Variants in ITSN1 observed in about 807,000 individuals in gnomAD.
ITSN1 encodes intersectin-1.
Under a neutral mutation model 239.8 loss-of-function variants are expected in ITSN1, and 58 were observed. That is an observed-to-expected ratio of 0.24 (90% CI 0.20 to 0.30). The LOEUF (loss-of-function observed/expected upper bound fraction) is 0.30, where lower values mean the gene tolerates loss of function less well. Among genes scored for constraint, ITSN1 ranks in the 10% least tolerant of loss-of-function variants. The probability of loss-of-function intolerance (pLI) is 1.00; values close to 1 mark genes in which losing one functional copy is unlikely to be tolerated. For synonymous variants in ITSN1, 780 were observed against 770.8 expected, an observed-to-expected ratio of 1.01 and a Z score of -0.20; for missense variants, 1,558 against 2,103.3, an observed-to-expected ratio of 0.74 and a Z score of 5.07.
chr21:33,718,783 AT>A lies in ITSN1; in HGVS notation c.-32-10del. The A allele has an allele frequency of 6.3e-7, 1 of 1,575,276 alleles. No individual in the cohort carries two copies. Among genetic ancestry groups the A allele is most frequent in the Non-Finnish European group, 8.7e-7 (1 of 1,146,314 alleles). ...AAGTTTTCATAAACTTAAATGTTGC[AT>A]TTTCACTTACAGGCGTCGATTAGCA... On this transcript the variant is annotated splice_polypyrimidine_tract_variant and intron_variant, in intron 1 of 39. Coordinates refer to ENST00000381318, the MANE Select transcript of ITSN1 (RefSeq NM_003024.3).
chr21:33,718,954 A>C, intron 2 of ITSN1, 98 bp downstream of exon 2: 1 of 935,718 alleles, frequency 1.1e-6, no homozygotes, highest in Non-Finnish European at 1.7e-6. Context: ...AGAGAAAATA[A>C]TATAATCAGC....
At position 33,888,555 on chromosome 21, in the gene ITSN1, C is replaced by A; in HGVS notation, c.*255C>A. On this transcript the variant is annotated 3_prime_UTR_variant, in exon 40 of 40. Coordinates refer to ENST00000381318, the MANE Select transcript of ITSN1 (RefSeq NM_003024.3). ...CAGGTCTCATTATGGCTTCTAGGGT[C>A]GCTGAAATCCCATAGCCCTCAACAG... 1 of 369,154 alleles carries A rather than the reference C, an allele frequency of 2.7e-6. No individual in the cohort carries two copies. The allele number at this position is 369,154 out of a possible 1,614,324, so 22.9% of individuals were successfully genotyped here. A position where few individuals can be genotyped will look rare whatever the true frequency, so the allele number is the denominator to read the frequency against.
At chr21:33,875,126 T>C (rs1442084908) in intron 33 of ITSN1, among the ~76,000 whole-genome samples, 2 of 152,162 alleles carry the variant, frequency 1.3e-5, no homozygotes, top group Non-Finnish European at 2.9e-5. Context: ...ACCTCAAGGA[T>C]GGGACCATTC....
At chr21:33,885,587 C>A in intron 38 of ITSN1, 65 bp downstream of exon 38, 1 of 1,198,270 alleles carries the variant, frequency 8.3e-7, no homozygotes, top group Non-Finnish European at 1.2e-6. Context: ...GTTCCCCACA[C>A]CCCCACCTGG....
chr21:33,742,628 A>G (rs982990863), intron 5 of ITSN1, among the ~76,000 whole-genome samples: 6 of 152,180 alleles, frequency 3.9e-5, no homozygotes, highest in African/African-American at 1.2e-4. Context: ...TCCAGCCCCT[A>G]TGAACTCAAA....
rs1290310390 is a variant in ITSN1, at chr21:33,890,798, T to C, written c.*2498T>C. 6.6e-6 allele frequency: 1 copy of C among 152,228 alleles called. No individual in the cohort carries two copies. Among genetic ancestry groups the C allele is most frequent in the Non-Finnish European group, 1.5e-5 (1 of 68,050 alleles). The allele number at this position is 152,228 out of a possible 1,614,324, so 9.4% of individuals were successfully genotyped here. On this transcript the variant is annotated 3_prime_UTR_variant, in exon 40 of 40. Transcript: ENST00000381318. ...AACAAGGAGTCTGTCTCCTAGCTCT[T>C]TGTTTTCTAAATATAGGAGTTCTCT...
At chr21:33,814,567 ATTCTGAATAGTTCTCTTTTGCTT>A in intron 22 of ITSN1, 1 of 154,132 alleles carries the variant, frequency 6.5e-6, no homozygotes, top group Non-Finnish European at 1.4e-5. Context: ...AAAGGTGGTT[ATTCTGAATAGTTCTCTTTTGCTT>A]AATACAATAA....
intron 8 of ITSN1, among the ~76,000 whole-genome samples, chr21:33,759,548 G>C (rs2068147929): frequency 6.6e-6 from 1 of 152,020 alleles, no homozygotes; most frequent in African/African-American, 2.4e-5. Context: ...ATTCTACTTT[G>C]TTACCAACAT....
At chr21:33,853,699 C>T (rs1161138525) in intron 29 of ITSN1, among the ~76,000 whole-genome samples, 4 of 152,212 alleles carry the variant, frequency 2.6e-5, no homozygotes, top group Non-Finnish European at 5.9e-5. Context: ...GGGTGCTCGT[C>T]TATTGGCATT....
chr21:33,805,156 TCTAAC>T (rs1335747701), intron 20 of ITSN1, among the ~76,000 whole-genome samples: 3 of 152,246 alleles, frequency 2.0e-5, no homozygotes, highest in Non-Finnish European at 4.4e-5. Flanking sequence ...GAACCGCTGA[TCTAAC>T]CTAATCTCTT....
At chr21:33,689,176 C>T (rs1383258623) in intron 1 of ITSN1, 1 of 152,102 alleles carries the variant, frequency 6.6e-6, no homozygotes, top group African/African-American at 2.4e-5. Flanking sequence ...TTCAGGATTG[C>T]CTAATGTTGA....
chr21:33,809,651 C>A (rs145077818), intron 20 of ITSN1, among the ~76,000 whole-genome samples: 2 of 152,056 alleles, frequency 1.3e-5, no homozygotes, highest in Admixed American at 1.3e-4. Flanking sequence ...TAAGACCCTG[C>A]CTACTCATGT....
At position 33,702,950 on chromosome 21, in the gene ITSN1, G is replaced by A. The variant is rs942692472; in HGVS notation, c.-32-15847G>A. Among the ~76,000 whole-genome samples, 5 of 152,104 alleles carry A rather than the reference G, an allele frequency of 3.3e-5. No homozygotes were observed. In the South Asian group the frequency reaches 1.0e-3, roughly 32 times the overall value. On this transcript the variant is annotated intron_variant, in intron 1 of 39. Transcript: ENST00000381318. ...AAATTAGCCGGGCATGATGGCCGGT[G>A]CCTGTAATTCCAGCTACTCGGGAGG...
chr21:33,843,265 A>T lies in ITSN1; in HGVS notation c.3661+6633A>T, dbSNP rs2074885242. On this transcript the variant is annotated intron_variant, in intron 29 of 39. Coordinates refer to ENST00000381318, the MANE Select transcript of ITSN1 (RefSeq NM_003024.3). ...AGCCCCAGAGCTCCTGCCTCCACAG[A>T]ACTGGTGGCTGCATCTTTGGAAAGA... Among the ~76,000 whole-genome samples, 3 of 152,292 alleles carry T rather than the reference A, an allele frequency of 2.0e-5. No individual in the cohort carries two copies. The South Asian group carries it at 6.2e-4, about 32-fold the overall frequency.
At chr21:33,751,296 T>G (rs1485222641) in intron 6 of ITSN1, among the ~76,000 whole-genome samples, 1 of 152,080 alleles carries the variant, frequency 6.6e-6, no homozygotes, top group East Asian at 1.9e-4. Context: ...CAGGCAAGAG[T>G]GAGGGAATGT....
chr21:33,666,604 G>A (rs909321851), intron 1 of ITSN1, among the ~76,000 whole-genome samples: 28 of 152,194 alleles, frequency 1.8e-4, no homozygotes, highest in Non-Finnish European at 2.4e-4. Context: ...GAAATATATC[G>A]TAGTTGTTTT....
chr21:33,751,806 A>G lies in ITSN1; in HGVS notation c.527-4A>G. The G allele has an allele frequency of 6.3e-7, 1 of 1,593,110 alleles. No homozygotes were observed. Among genetic ancestry groups the G allele is most frequent in the Non-Finnish European group, 8.6e-7 (1 of 1,163,162 alleles). On this transcript the variant is annotated splice_polypyrimidine_tract_variant and splice_region_variant and intron_variant, in intron 6 of 39. Coordinates refer to ENST00000381318, the MANE Select transcript of ITSN1 (RefSeq NM_003024.3). ...TTAAAATTATTCAACATTTATTTTTACAGCAGCCACATTGCCAAAGAGTTC... is the reference window on the plus strand; with the variant it reads ...TTAAAATTATTCAACATTTATTTTTGCAGCAGCCACATTGCCAAAGAGTTC...
intron 30 of ITSN1, among the ~76,000 whole-genome samples, chr21:33,857,764 G>C (rs965583942): frequency 6.6e-6 from 1 of 152,146 alleles, no homozygotes; most frequent in South Asian, 2.1e-4. Context: ...TGCAGTTCAG[G>C]ATGTCCAGGG....
intron 29 of ITSN1, among the ~76,000 whole-genome samples, chr21:33,854,974 T>C (rs955934719): frequency 3.3e-5 from 5 of 152,074 alleles, no homozygotes; most frequent in Admixed American, 1.3e-4. Context: ...GAAAGGACAA[T>C]TGGCCCAGAG....
Sources: allele counts gnomAD v4.1 joint callset (sites outside exome capture counted in the v4.1 genomes callset), GRCh38; gene constraint gnomAD v4.1.1; transcripts MANE v1.5; gene names NCBI Gene and HGNC (gene_info 2026-07-23, HGNC 2026-07-21).